The following ITGA9 variants were observed in gnomAD, a reference collection of about 807,000 sequenced individuals.
The protein encoded by ITGA9 is integrin subunit alpha 9.
ITGA9 carries 56 observed loss-of-function variants against 127.8 expected under a neutral mutation model. The observed-to-expected ratio is 0.44, with a 90% CI of 0.35 to 0.55. ITGA9 has a LOEUF of 0.55. Ranked by LOEUF, ITGA9 falls within the 20% of genes least tolerant of loss-of-function variation. ITGA9 has a pLI of 0.00. For missense variants in ITGA9, 1,196 were observed against 1,347.1 expected (o/e 0.89, Z 1.76); for synonymous variants, 508 against 514.5 (o/e 0.99, Z 0.17).
At chr3:37,672,676 G>A (rs760186723) in intron 17 of ITGA9, among the ~76,000 whole-genome samples, 3 of 152,124 alleles carry the variant, frequency 2.0e-5, no homozygotes, top group Non-Finnish European at 4.4e-5. Context: ...GCATCCAATG[G>A]GCTAGAGCAG....
At chr3:37,568,940 A>G (rs755422173) in intron 15 of ITGA9, among the ~76,000 whole-genome samples, 2 of 152,214 alleles carry the variant, frequency 1.3e-5, no homozygotes, top group African/African-American at 2.4e-5. Flanking sequence ...CCACATTTTC[A>G]GATATCTTCA....
intron 15 of ITGA9, among the ~76,000 whole-genome samples, chr3:37,601,631 T>C (rs1352238367): frequency 6.6e-6 from 1 of 152,220 alleles, no homozygotes; most frequent in Non-Finnish European, 1.5e-5. Flanking sequence ...TCAGACACCA[T>C]GGCTTCCACG....
At chr3:37,794,323 C>T (rs1697147554) in intron 26 of ITGA9, among the ~76,000 whole-genome samples, 1 of 152,188 alleles carries the variant, frequency 6.6e-6, no homozygotes, top group African/African-American at 2.4e-5. Flanking sequence ...GACCCCTTAC[C>T]CCTCTGGCCT....
intron 27 of ITGA9, among the ~76,000 whole-genome samples, chr3:37,811,665 T>C (rs568149743): frequency 6.6e-6 from 1 of 152,288 alleles, no homozygotes; most frequent in East Asian, 1.9e-4. Flanking sequence ...ATATCCTCCC[T>C]CACTGCTGTC....
intron 26 of ITGA9, among the ~76,000 whole-genome samples, chr3:37,801,504 G>A (rs959623774): frequency 6.6e-6 from 1 of 152,016 alleles, no homozygotes; most frequent in Admixed American, 6.5e-5. Context: ...GGGAGTGGTG[G>A]CTCATGCCTA....
chr3:37,635,759 T>C (rs947328651), intron 16 of ITGA9, among the ~76,000 whole-genome samples: 4 of 150,712 alleles, frequency 2.7e-5, no homozygotes, highest in African/African-American at 7.3e-5. Context: ...TAGGTATATC[T>C]CCTAATGCTA....
chr3:37,588,325 C>G (rs1228475381), intron 15 of ITGA9, among the ~76,000 whole-genome samples: 2 of 151,810 alleles, frequency 1.3e-5, no homozygotes, highest in Non-Finnish European at 2.9e-5. Context: ...CAGCCCACCC[C>G]CCCACTTCCC....
intron 17 of ITGA9, among the ~76,000 whole-genome samples, chr3:37,666,615 G>A (rs1405822967): frequency 7.2e-5 from 11 of 152,284 alleles, no homozygotes; most frequent in Middle Eastern, 3.4e-3. Flanking sequence ...TGTGGCCAGG[G>A]CCCAAAATGG....
chr3:37,754,100 G>A (rs185407486), intron 23 of ITGA9: 11 of 152,218 alleles, frequency 7.2e-5, no homozygotes, highest in South Asian at 6.2e-4. Context: ...CTGCAGAGGC[G>A]AGCCGTGTAG....
At chr3:37,487,186 C>G (rs1261055794) in intron 4 of ITGA9, among the ~76,000 whole-genome samples, 1 of 152,142 alleles carries the variant, frequency 6.6e-6, no homozygotes, top group Non-Finnish European at 1.5e-5. Context: ...AAGACCTCTA[C>G]ATTTACATAG....
intron 15 of ITGA9, among the ~76,000 whole-genome samples, chr3:37,624,165 G>A (rs1311421275): frequency 1.3e-5 from 2 of 148,254 alleles, no homozygotes; most frequent in Admixed American, 1.4e-4. Flanking sequence ...AATTTACCCC[G>A]GCAGCTGCTG....
chr3:37,495,189 G>T (rs1698715191), intron 5 of ITGA9, among the ~76,000 whole-genome samples: 1 of 152,106 alleles, frequency 6.6e-6, no homozygotes, highest in African/African-American at 2.4e-5. Flanking sequence ...CTGACCTCAG[G>T]TGATCTGCCA....
intron 19 of ITGA9, 130 bp downstream of exon 19, chr3:37,732,928 C>A (rs572833804): frequency 1.4e-6 from 1 of 722,960 alleles, no homozygotes; most frequent in Admixed American, 2.0e-5. Context: ...GGGGCGGCCA[C>A]TGAAGCCCTG....
At position 37,626,674 on chromosome 3, in the gene ITGA9, CA is replaced by C. The variant is rs892328954; in HGVS notation, c.1690-2504del. ...TGGGAAACAGAGCAAGACTCTGTCT[CA>C]AAAAAAAAGTGGAAGGTGGGGGTCA... On this transcript the variant is annotated intron_variant, in intron 15 of 27. Transcript: ENST00000264741. 9.3e-5 allele frequency among the ~76,000 whole-genome samples: 14 copies of C among 150,524 alleles called. No individual in the cohort carries two copies. The South Asian group carries it at 1.9e-3, about 20-fold the overall frequency.
intron 6 of ITGA9, among the ~76,000 whole-genome samples, chr3:37,503,954 T>C (rs773594440): frequency 4.6e-5 from 7 of 152,242 alleles, no homozygotes; most frequent in Non-Finnish European, 7.3e-5. Flanking sequence ...ATGCCCTAAA[T>C]GCTATAATTC....
chr3:37,803,582 C>T (rs994719230), intron 26 of ITGA9, among the ~76,000 whole-genome samples: 10 of 152,000 alleles, frequency 6.6e-5, no homozygotes, highest in Non-Finnish European at 1.3e-4. Flanking sequence ...GTCAGGAGTT[C>T]GAGACCAGCC....
At chr3:37,620,469 A>G (rs1277575634) in intron 15 of ITGA9, among the ~76,000 whole-genome samples, 1 of 152,092 alleles carries the variant, frequency 6.6e-6, no homozygotes, top group Non-Finnish European at 1.5e-5. Context: ...GAGCTCTCCA[A>G]GGTGCTTGAC....
chr3:37,532,404 C>G (rs1343441677), intron 13 of ITGA9, among the ~76,000 whole-genome samples: 1 of 152,250 alleles, frequency 6.6e-6, no homozygotes, highest in African/African-American at 2.4e-5. Context: ...TCATTGTACA[C>G]AGGGGCATCA....
intron 16 of ITGA9, among the ~76,000 whole-genome samples, chr3:37,639,519 T>C (rs1211894713): frequency 2.0e-5 from 3 of 152,250 alleles, no homozygotes; most frequent in African/African-American, 7.2e-5. Context: ...CGTGGCTGAA[T>C]ATCTAGTGAG....
Sources: gnomAD v4.1 joint callset for allele counts (sites outside exome capture counted in the v4.1 genomes callset) on GRCh38, gnomAD v4.1.1 for gene constraint, MANE v1.5 for transcripts, NCBI Gene and HGNC (gene_info 2026-07-23, HGNC 2026-07-21) for gene names.